Variants in NELL1 observed in about 807,000 individuals in gnomAD.
NELL1 encodes the protein neural EGFL like 1.
In NELL1, 76 loss-of-function variants were observed where a neutral mutation model predicts 107.4. The observed-to-expected ratio is 0.71, with a 90% CI of 0.59 to 0.86. The LOEUF is 0.86. Ranked by LOEUF, NELL1 falls within the 40% of genes least tolerant of loss-of-function variation. The pLI, the probability that NELL1 is intolerant of heterozygous loss-of-function variation, is 0.00. For synonymous variants in NELL1, 353 were observed against 341.2 expected (o/e 1.03, Z -0.38); for missense variants, 1,024 against 1,005.5 (o/e 1.02, Z -0.25).
At chr11:20,742,195 C>T (rs554247034) in intron 2 of NELL1, among the ~76,000 whole-genome samples, 1 of 152,306 alleles carries the variant, frequency 6.6e-6, no homozygotes, top group East Asian at 1.9e-4. Flanking sequence ...CAGCCAGGCT[C>T]TTGCTTGGCT....
intron 2 of NELL1, among the ~76,000 whole-genome samples, chr11:20,687,663 C>T (rs1854341070): frequency 6.6e-6 from 1 of 151,780 alleles, no homozygotes; most frequent in Non-Finnish European, 1.5e-5. Flanking sequence ...ACAGTCTCTG[C>T]TCACTGCAAC....
intron 13 of NELL1, among the ~76,000 whole-genome samples, chr11:21,131,651 G>T (rs1296029051): frequency 6.6e-6 from 1 of 152,044 alleles, no homozygotes. Flanking sequence ...GGGGAGGGAG[G>T]CTTAAATATA....
intron 15 of NELL1, among the ~76,000 whole-genome samples, chr11:21,532,306 A>C (rs1450291525): frequency 6.6e-6 from 1 of 152,196 alleles, no homozygotes; most frequent in Non-Finnish European, 1.5e-5. Flanking sequence ...CTGCTGAATC[A>C]TGGAAACTCC....
chr11:21,174,855 C>T (rs1044183016), intron 13 of NELL1, among the ~76,000 whole-genome samples: 3 of 151,748 alleles, frequency 2.0e-5, no homozygotes, highest in African/African-American at 7.3e-5. Flanking sequence ...CTCTCCATAA[C>T]TGAAATATGA....
chr11:20,700,547 T>C (rs193232659), intron 2 of NELL1, among the ~76,000 whole-genome samples: 187 of 152,238 alleles, frequency 1.2e-3, no homozygotes, highest in Admixed American at 3.7e-3. Flanking sequence ...CTAGGATACA[T>C]GTGCACAACA....
intron 12 of NELL1, among the ~76,000 whole-genome samples, chr11:21,014,884 C>A (rs1468960009): frequency 1.3e-5 from 2 of 152,014 alleles, no homozygotes; most frequent in Non-Finnish European, 2.9e-5. Flanking sequence ...TTATGATGAA[C>A]CTCTTAAAGT....
rs72275889 is a variant in NELL1, at chr11:21,367,261, TACACACACACACACACAC to T, written c.1550-3568_1550-3551del. Among the ~76,000 whole-genome samples, 703 of 145,234 alleles carry T rather than the reference TACACACACACACACACAC, an allele frequency of 4.8e-3. 5 individuals are homozygous for T. The highest frequency in any genetic ancestry group is 0.017 in the African/African-American group (650 of 39,236). ...AATGACAGATTCAGGTTTATCTTACTACACACACACACACACACACACACACACACACACACACACAAT... is the reference window on the plus strand; with the variant it reads ...AATGACAGATTCAGGTTTATCTTACTACACACACACACACACACACACAAT... On this transcript the variant is annotated intron_variant, in intron 14 of 19. Coordinates refer to ENST00000357134, the MANE Select transcript of NELL1 (RefSeq NM_006157.5).
intron 12 of NELL1, among the ~76,000 whole-genome samples, chr11:21,028,418 A>T (rs1852873634): frequency 6.6e-6 from 1 of 152,110 alleles, no homozygotes; most frequent in South Asian, 2.1e-4. Context: ...CATTTACAAA[A>T]CAGGGGCTTT....
intron 12 of NELL1, among the ~76,000 whole-genome samples, chr11:21,012,746 G>A (rs1281437886): frequency 6.6e-6 from 1 of 152,066 alleles, no homozygotes; most frequent in African/African-American, 2.4e-5. Context: ...AGATGAAGCT[G>A]TCCTCTTGTA....
In NELL1 at chr11:20,800,493, T is replaced by G. The variant is rs182959018; in HGVS notation, c.335+16663T>G. Reference sequence around the variant, plus strand: ...TATATTTGTTGGCTGCTTGTATGTCTTCTTTTGGGATTGTCTATTCCTGTC... The same window carrying G: ...TATATTTGTTGGCTGCTTGTATGTCGTCTTTTGGGATTGTCTATTCCTGTC... On this transcript the variant is annotated intron_variant, in intron 3 of 19. Transcript: ENST00000357134. Among the ~76,000 whole-genome samples, 520 of 152,356 alleles carry G rather than the reference T, an allele frequency of 3.4e-3. 3 individuals are homozygous for G. The highest frequency in any genetic ancestry group is 0.012 in the African/African-American group (503 of 41,584).
At chr11:20,912,827 A>G (rs1487818732) in intron 5 of NELL1, among the ~76,000 whole-genome samples, 4 of 152,172 alleles carry the variant, frequency 2.6e-5, no homozygotes, top group Admixed American at 6.6e-5. Flanking sequence ...TTATAGGCAC[A>G]TTGAAAAAGA....
At chr11:21,453,836 G>T in intron 15 of NELL1, among the ~76,000 whole-genome samples, 2 of 148,234 alleles carry the variant, frequency 1.3e-5, no homozygotes, top group Non-Finnish European at 1.5e-5. Context: ...TTTTGTGCCA[G>T]GGTTTACAAT....
chr11:20,705,879 A>C (rs1358861903), intron 2 of NELL1, among the ~76,000 whole-genome samples: 3 of 152,202 alleles, frequency 2.0e-5, no homozygotes, highest in African/African-American at 7.2e-5. Context: ...ACTTCTCATA[A>C]GAAGACATTT....
At chr11:20,891,170 G>A (rs1849609475) in intron 5 of NELL1, among the ~76,000 whole-genome samples, 1 of 152,196 alleles carries the variant, frequency 6.6e-6, no homozygotes, top group Non-Finnish European at 1.5e-5. Context: ...CCTCTTAGCA[G>A]AAACTCTGTA....
intron 12 of NELL1, among the ~76,000 whole-genome samples, chr11:20,996,402 G>C (rs781458422): frequency 1.3e-5 from 2 of 152,304 alleles, no homozygotes; most frequent in Middle Eastern, 3.4e-3. Context: ...TGCATGATGA[G>C]TGCTGCCAGG....
chr11:20,893,810 A>T (rs1849668017), intron 5 of NELL1, among the ~76,000 whole-genome samples: 2 of 151,606 alleles, frequency 1.3e-5, no homozygotes, highest in African/African-American at 4.8e-5. Context: ...GCTTACAGTG[A>T]AACAATAAAA....
At chr11:20,911,507 A>G (rs558174044) in intron 5 of NELL1, among the ~76,000 whole-genome samples, 4 of 152,288 alleles carry the variant, frequency 2.6e-5, no homozygotes, top group Admixed American at 2.6e-4. Flanking sequence ...ACAAATATTT[A>G]TTAAGGGCTT....
intron 1 of NELL1, among the ~76,000 whole-genome samples, chr11:20,672,982 C>CCCCG (rs1853956647): frequency 9.4e-6 from 1 of 105,912 alleles, no homozygotes; most frequent in African/African-American, 3.8e-5. Context: ...CCCCCCCCCC[C>CCCCG]CCCCCGAGTA....
intron 14 of NELL1, among the ~76,000 whole-genome samples, chr11:21,357,661 CTATT>C (rs777019439): frequency 6.6e-6 from 1 of 152,064 alleles, no homozygotes; most frequent in African/African-American, 2.4e-5. Context: ...TAAGTCCTAT[CTATT>C]TATGTTTGTT....
Sources: allele counts gnomAD v4.1 joint callset (sites outside exome capture counted in the v4.1 genomes callset), GRCh38; gene constraint gnomAD v4.1.1; transcripts MANE v1.5; gene names NCBI Gene and HGNC (gene_info 2026-07-23, HGNC 2026-07-21).